The following ATP9B variants were observed in gnomAD, a reference collection of about 807,000 sequenced individuals.
The protein encoded by ATP9B is ATPase phospholipid transporting 9B, also known as probable phospholipid-transporting ATPase IIB.
A neutral mutation model predicts 146.1 loss-of-function variants in ATP9B; 110 were observed. The ratio of observed to expected loss-of-function variants is 0.75; its 90% confidence interval spans 0.65 to 0.88. The LOEUF (loss-of-function observed/expected upper bound fraction) is 0.88. ATP9B is among the 40% of genes least tolerant of loss of function. The pLI is 0.00. For synonymous variants in ATP9B, 604 were observed against 569.7 expected (o/e 1.06, Z -0.86); for missense variants, 1,499 against 1,496.4 (o/e 1.00, Z -0.03).
intron 11 of ATP9B, among the ~76,000 whole-genome samples, chr18:79,217,342 G>A (rs750597622): frequency 4.1e-4 from 62 of 152,114 alleles, no homozygotes; most frequent in African/African-American, 1.3e-3. Flanking sequence ...CCACCGCCAC[G>A]CCTGGCTAAT....
chr18:79,259,952 G>A (rs574463214), intron 12 of ATP9B, among the ~76,000 whole-genome samples: 12 of 152,176 alleles, frequency 7.9e-5, no homozygotes, highest in Middle Eastern at 3.4e-3. Context: ...TGATATTCAG[G>A]TATTGATGAT....
At chr18:79,194,284 G>C (rs1202703478) in intron 9 of ATP9B, 2 of 152,142 alleles carry the variant, frequency 1.3e-5, no homozygotes, top group East Asian at 3.8e-4. Context: ...AAATGAAAAG[G>C]TATTTATGTA....
intron 23 of ATP9B, among the ~76,000 whole-genome samples, chr18:79,346,771 G>A (rs944717350): frequency 2.6e-5 from 4 of 152,104 alleles, no homozygotes; most frequent in African/African-American, 4.8e-5. Context: ...ATGCTTGGTC[G>A]GCACAGTCAG....
intron 6 of ATP9B, among the ~76,000 whole-genome samples, chr18:79,154,277 A>G (rs912696465): frequency 1.3e-5 from 2 of 152,044 alleles, no homozygotes; most frequent in African/African-American, 4.8e-5. Flanking sequence ...TGAAGTCACT[A>G]CTACATACCA....
rs145487865 is a variant in ATP9B at position 79,259,520 on chromosome 18, A to G, written c.1268+5979A>G. 6.3e-3 allele frequency among the ~76,000 whole-genome samples: 964 copies of G among 152,354 alleles called. 6 individuals carry two copies. Among genetic ancestry groups the G allele is most frequent in the African/African-American group, 0.014 (578 of 41,592 alleles). On this transcript the variant is annotated intron_variant, in intron 12 of 29. Transcript: ENST00000426216. Reference sequence around the variant, plus strand: ...CTGAGAACACTGAAGAACCTCTTGTAAATACAGTGGCTTTGTTGAAAGCAC... The same window carrying G: ...CTGAGAACACTGAAGAACCTCTTGTGAATACAGTGGCTTTGTTGAAAGCAC...
At chr18:79,168,545 A>G (rs2095020370) in intron 7 of ATP9B, among the ~76,000 whole-genome samples, 1 of 152,098 alleles carries the variant, frequency 6.6e-6, no homozygotes, top group East Asian at 1.9e-4. Context: ...ACCTTGGGGT[A>G]CTTTACCTCT....
intron 19 of ATP9B, among the ~76,000 whole-genome samples, chr18:79,338,646 C>T (rs2096840450): frequency 6.6e-6 from 1 of 152,248 alleles, no homozygotes; most frequent in South Asian, 2.1e-4. Flanking sequence ...CACCGACCTG[C>T]TCTCTGGCTT....
chr18:79,292,287 T>A (rs2096512785), intron 13 of ATP9B, among the ~76,000 whole-genome samples: 1 of 152,208 alleles, frequency 6.6e-6, no homozygotes, highest in Admixed American at 6.5e-5. Flanking sequence ...ATGTGTGACA[T>A]GGTCATGTCC....
intron 11 of ATP9B, among the ~76,000 whole-genome samples, chr18:79,253,169 G>A (rs535788927): frequency 4.7e-4 from 71 of 152,302 alleles, no homozygotes; most frequent in Non-Finnish European, 8.2e-4. Flanking sequence ...GCTCTGGCCC[G>A]TGTTTTGTCA....
chr18:79,264,825 G>T (rs7236046), intron 12 of ATP9B, among the ~76,000 whole-genome samples: 2,827 of 152,204 alleles, frequency 0.019, 91 homozygotes, highest in African/African-American at 0.064. Flanking sequence ...ACATGGGCCT[G>T]TTTTGGTTAC....
chr18:79,162,030 G>T (rs1403432336), intron 7 of ATP9B, among the ~76,000 whole-genome samples: 1 of 152,106 alleles, frequency 6.6e-6, no homozygotes, highest in Non-Finnish European at 1.5e-5. Context: ...GTTGTTTTCA[G>T]TAGACTACAA....
At chr18:79,297,306 G>A (rs750114095) in intron 13 of ATP9B, among the ~76,000 whole-genome samples, 18 of 150,726 alleles carry the variant, frequency 1.2e-4, no homozygotes, top group Non-Finnish European at 2.5e-4. Flanking sequence ...ACGACCCAGA[G>A]AGGAGAAAGA....
At chr18:79,129,288 TG>T (rs2094338529) in intron 5 of ATP9B, among the ~76,000 whole-genome samples, 1 of 152,126 alleles carries the variant, frequency 6.6e-6, no homozygotes, top group African/African-American at 2.4e-5. Flanking sequence ...CTGTGTATGC[TG>T]GGGAATTTTG....
At chr18:79,316,029 T>C (rs1418298738) in intron 15 of ATP9B, among the ~76,000 whole-genome samples, 1 of 152,210 alleles carries the variant, frequency 6.6e-6, no homozygotes, top group East Asian at 1.9e-4. Context: ...GAGAAAAATA[T>C]CTTAGGGATT....
At chr18:79,290,184 C>A (rs1001375825) in intron 13 of ATP9B, among the ~76,000 whole-genome samples, 5 of 152,320 alleles carry the variant, frequency 3.3e-5, no homozygotes, top group Admixed American at 6.5e-5. Context: ...GAGGTTACTG[C>A]TGTCTTTTTG....
intron 6 of ATP9B, chr18:79,146,484 G>C (rs1352053458): frequency 1.3e-5 from 2 of 149,030 alleles, no homozygotes; most frequent in Non-Finnish European, 2.7e-5. Flanking sequence ...GCGGTGTGGA[G>C]AGTGACTGAA....
intron 25 of ATP9B, among the ~76,000 whole-genome samples, chr18:79,356,962 T>C (rs11872358): frequency 2.6e-3 from 16 of 6,042 alleles, no homozygotes; most frequent in Non-Finnish European, 2.6e-3. Context: ...TGAGGGATGC[T>C]CTGGGTCTGG....
In ATP9B at chr18:79,297,339, GAGATGACCCAGCCAGAGAGGAGACAC is replaced by G. The variant is rs567713657; in HGVS notation, c.1412-6261_1412-6236del. Reference sequence around the variant, plus strand: ...AGAGAGATGACCCAGAGAGGAGACAGAGATGACCCAGCCAGAGAGGAGACACAGACGACCCAGAGAGAAGACAGATG... The same window carrying G: ...AGAGAGATGACCCAGAGAGGAGACAGAGACGACCCAGAGAGAAGACAGATG... On this transcript the variant is annotated intron_variant, in intron 13 of 29. Transcript: ENST00000426216. Among the ~76,000 whole-genome samples the G allele has an allele frequency of 4.9e-3, 730 of 150,182 alleles. 2 individuals are homozygous for G. Among genetic ancestry groups the G allele is most frequent in the Non-Finnish European group, 5.5e-3 (370 of 67,540 alleles).
intron 8 of ATP9B, 143 bp downstream of exon 8, chr18:79,177,050 T>G (rs1163539208): frequency 1.0e-5 from 7 of 677,618 alleles, no homozygotes; most frequent in Middle Eastern, 3.6e-4. Flanking sequence ...GAAGGTTCAT[T>G]GAAGAATTGT....
Sources: gnomAD v4.1 joint callset for allele counts (sites outside exome capture counted in the v4.1 genomes callset) on GRCh38, gnomAD v4.1.1 for gene constraint, MANE v1.5 for transcripts, NCBI Gene and HGNC (gene_info 2026-07-23, HGNC 2026-07-21) for gene names.